The following MPP4 variants were observed in gnomAD, a reference collection of about 807,000 sequenced individuals.
MPP4 encodes the protein MAGUK p55 scaffold protein 4.
MPP4 carries 91 observed loss-of-function variants against 98.3 expected under a neutral mutation model. The ratio of observed to expected loss-of-function variants is 0.93; its 90% CI spans 0.78 to 1.10. The LOEUF (loss-of-function observed/expected upper bound fraction) is 1.10, where lower values mean the gene tolerates loss of function less well. Ranked by LOEUF, MPP4 falls within the 50% of genes least tolerant of loss-of-function variation. The pLI, the probability that MPP4 is intolerant of heterozygous loss-of-function variation, is 0.00. For missense variants in MPP4, 744 were observed against 792.9 expected (o/e 0.94, Z 0.74); for synonymous variants, 261 against 271.8 (o/e 0.96, Z 0.39).
At chr2:201,657,256 G>T (rs190614120) in intron 16 of MPP4, among the ~76,000 whole-genome samples, 2 of 152,274 alleles carry the variant, frequency 1.3e-5, no homozygotes, top group Admixed American at 1.3e-4. Context: ...GACAGGTTAG[G>T]TGGTTGCTTA....
At chr2:201,687,234 C>G in intron 5 of MPP4, 57 bp downstream of exon 5, 3 of 1,398,190 alleles carry the variant, frequency 2.1e-6, no homozygotes, top group Non-Finnish European at 3.0e-6. Flanking sequence ...ATTTCTCCTT[C>G]CCAACTTTGT....
At chr2:201,680,768 A>G in intron 10 of MPP4, 70 bp downstream of exon 10, 1 of 1,417,180 alleles carries the variant, frequency 7.1e-7, no homozygotes, top group African/African-American at 1.4e-5. Context: ...TTGAGGTAAC[A>G]GAAACCCAAG....
chr2:201,684,026 C>G (rs1688742417), intron 7 of MPP4, among the ~76,000 whole-genome samples: 2 of 151,596 alleles, frequency 1.3e-5, no homozygotes, highest in Admixed American at 1.3e-4. Flanking sequence ...TTGACACCAG[C>G]CTGGGCAACA....
In MPP4 at chr2:201,656,558, G is replaced by A. The variant is rs141389138; in HGVS notation, c.1130-190C>T. On this transcript the variant is annotated intron_variant, in intron 16 of 21. Coordinates refer to ENST00000409474, the MANE Select transcript of MPP4 (RefSeq NM_033066.3). ...AATGCCCCCTGTGCTAGCCCATCTA[G>A]CACCTGCTCTGGGCCAGGCATTGTC... is the stretch of plus-strand genomic sequence containing the variant. 6.0e-3 allele frequency among the ~76,000 whole-genome samples: 917 copies of A among 152,358 alleles called. 3 individuals carry two copies. Among genetic ancestry groups the A allele is most frequent in the Non-Finnish European group, 9.4e-3 (638 of 68,028 alleles).
chr2:201,697,932 C>A, intron 1 of MPP4: 2 of 985,362 alleles, frequency 2.0e-6, no homozygotes, highest in Non-Finnish European at 2.4e-6. Flanking sequence ...AAAGACTTAC[C>A]TTCCTTTCCA....
intron 18 of MPP4, chr2:201,651,122 C>T: frequency 1.0e-6 from 1 of 985,322 alleles, no homozygotes; most frequent in Non-Finnish European, 1.2e-6. Flanking sequence ...CTTATTCATA[C>T]AGAATTTGTG....
chr2:201,688,248 C>T (rs1366455974), intron 4 of MPP4, among the ~76,000 whole-genome samples: 2 of 152,064 alleles, frequency 1.3e-5, no homozygotes, highest in African/African-American at 4.8e-5. Flanking sequence ...CTACTGTGTG[C>T]TAGGAACTGT....
intron 18 of MPP4, chr2:201,651,714 G>A (rs1687716647): frequency 3.8e-5 from 35 of 922,426 alleles, no homozygotes; most frequent in Non-Finnish European, 4.5e-5. Flanking sequence ...AGCACTTTGG[G>A]AGGCCAAGGC....
At chr2:201,648,989 G>A (rs561806080) in intron 20 of MPP4, among the ~76,000 whole-genome samples, 6 of 152,236 alleles carry the variant, frequency 3.9e-5, no homozygotes, top group Non-Finnish European at 5.9e-5. Context: ...GCTTGAACCC[G>A]GGAAGCGGAG....
chr2:201,693,152 C>T, intron 2 of MPP4, 123 bp from the exon 3 acceptor site: 5 of 1,125,616 alleles, frequency 4.4e-6, no homozygotes, highest in Non-Finnish European at 6.2e-6. Flanking sequence ...GATCTCAGGC[C>T]AAAAGATCTG....
chr2:201,680,893 T>C lies in MPP4; in HGVS notation c.874A>G (p.Ile292Val), dbSNP rs368182880. ...CCAGCGCAGGTAGCAGGGTCTGAGA[T>C]TTTTCGGGCCTGCCACCAGAGGGCA... The part of the protein sequence containing the change: ...NDALWWQARK[I>V]SDPATCAGLV... The change falls in exon 10 of 22, where the codon ATC (isoleucine) becomes GTC (valine). Residue 292 changes from isoleucine to valine, a missense_variant. Transcript: ENST00000409474. The C allele has an allele frequency of 6.2e-7, 1 of 1,613,608 alleles. No homozygotes were observed. The highest frequency in any genetic ancestry group is 1.1e-5 in the South Asian group (1 of 90,974).
At chr2:201,667,893 T>C (rs1009057835) in intron 12 of MPP4, among the ~76,000 whole-genome samples, 8 of 152,240 alleles carry the variant, frequency 5.3e-5, no homozygotes, top group Admixed American at 4.6e-4. Context: ...GGGACACAGA[T>C]AAACGAGTGG....
intron 10 of MPP4, among the ~76,000 whole-genome samples, 176 bp from the exon 11 acceptor site, chr2:201,675,447 CAT>C (rs1245348897): frequency 6.6e-6 from 1 of 152,220 alleles, no homozygotes; most frequent in Non-Finnish European, 1.5e-5. Flanking sequence ...ATTTTCCAAA[CAT>C]ATAGGCTCTC....
intron 14 of MPP4, among the ~76,000 whole-genome samples, chr2:201,660,559 A>G (rs533334731): frequency 2.0e-5 from 3 of 152,204 alleles, no homozygotes; most frequent in African/African-American, 7.2e-5. Flanking sequence ...TGGGACAGTA[A>G]CTTTTTCTGA....
At chr2:201,694,896 G>A (rs1379579515) in intron 1 of MPP4, among the ~76,000 whole-genome samples, 1 of 152,044 alleles carries the variant, frequency 6.6e-6, no homozygotes, top group East Asian at 1.9e-4. Context: ...TAATAGGTGT[G>A]AGCCATCGCA....
At chr2:201,678,272 G>A (rs192778401) in intron 10 of MPP4, among the ~76,000 whole-genome samples, 1 of 152,042 alleles carries the variant, frequency 6.6e-6, no homozygotes, top group East Asian at 1.9e-4. Context: ...AATCTCATTA[G>A]GCCTTTATCC....
chr2:201,687,908 A>AC (rs1459560589), intron 4 of MPP4, among the ~76,000 whole-genome samples: 1 of 152,218 alleles, frequency 6.6e-6, no homozygotes, highest in African/African-American at 2.4e-5. Context: ...AAGCGGAAAA[A>AC]AATTCTGCTC....
chr2:201,688,219 G>A (rs747954153), intron 4 of MPP4, among the ~76,000 whole-genome samples: 1 of 152,058 alleles, frequency 6.6e-6, no homozygotes, highest in South Asian at 2.1e-4. Context: ...TCATTCATTC[G>A]ACAAATATTT....
chr2:201,679,191 C>T lies in MPP4; in HGVS notation c.929+1647G>A, dbSNP rs1559014141. 2.0e-5 allele frequency among the ~76,000 whole-genome samples: 3 copies of T among 152,254 alleles called. No individual in the cohort carries two copies. In the South Asian group the frequency reaches 6.2e-4, roughly 32 times the overall value. On this transcript the variant is annotated intron_variant, in intron 10 of 21. Transcript: ENST00000409474. ...CCTGCTTCATTTCCTCATCTCCCTC[C>T]TAAACAGCTTACATGTCACACTCCA...
Sources: allele counts gnomAD v4.1 joint callset (sites outside exome capture counted in the v4.1 genomes callset), GRCh38; gene constraint gnomAD v4.1.1; transcripts MANE v1.5; gene names NCBI Gene and HGNC (gene_info 2026-07-23, HGNC 2026-07-21).